ACOXL: variants seen among roughly 807,000 people sequenced by gnomAD.
ACOXL encodes the protein acyl-CoA oxidase like.
A neutral mutation model predicts 71.9 loss-of-function variants in ACOXL; 70 were observed. The ratio of observed to expected loss-of-function variants is 0.97; its 90% CI spans 0.80 to 1.19. The LOEUF (loss-of-function observed/expected upper bound fraction) is 1.19, where lower values mean the gene tolerates loss of function less well. Ranked by LOEUF, ACOXL falls within the 50% of genes most tolerant of loss-of-function variation. ACOXL has a pLI of 0.00. For missense variants in ACOXL, 703 were observed against 736.3 expected (o/e 0.95, Z 0.52); for synonymous variants, 253 against 281.6 (o/e 0.90, Z 1.02).
At chr2:110,827,248 G>T (rs112404101) in intron 9 of ACOXL, among the ~76,000 whole-genome samples, 33 of 152,322 alleles carry the variant, frequency 2.2e-4, no homozygotes, top group African/African-American at 7.7e-4. Context: ...CATATGCCCT[G>T]CAGGAGTAGC....
intron 15 of ACOXL, among the ~76,000 whole-genome samples, chr2:111,034,949 G>T (rs983567867): frequency 1.3e-5 from 2 of 148,818 alleles, no homozygotes; most frequent in Admixed American, 6.7e-5. Flanking sequence ...ACGGAGTCTC[G>T]CTCTGTCGCC....
intron 12 of ACOXL, among the ~76,000 whole-genome samples, chr2:110,972,845 A>T (rs1460252611): frequency 6.6e-6 from 1 of 152,252 alleles, no homozygotes; most frequent in Non-Finnish European, 1.5e-5. Flanking sequence ...AGCTCAGCAG[A>T]GACTCCGTGT....
rs1267304542 is a variant in ACOXL at position 110,895,145 on chromosome 2, A to G, written c.789-13644A>G. 2.6e-5 allele frequency among the ~76,000 whole-genome samples: 4 copies of G among 152,362 alleles called. No individual in the cohort carries two copies. The South Asian group carries it at 6.2e-4, about 24-fold the overall frequency. On this transcript the variant is annotated intron_variant, in intron 10 of 17. Coordinates refer to ENST00000439055, the MANE Select transcript of ACOXL (RefSeq NM_001142807.4). ...AAGCAGCCATCATAAAAATGTTTCA[A>G]AAAGAGAAATGACAAACATGCTGAA...
intron 10 of ACOXL, among the ~76,000 whole-genome samples, chr2:110,898,244 A>G (rs1274542393): frequency 1.3e-5 from 2 of 152,114 alleles, no homozygotes; most frequent in African/African-American, 4.8e-5. Context: ...ATTTTTTTTG[A>G]AAGTTAGCCA....
chr2:111,112,382 T>G (rs1558980737), intron 17 of ACOXL, among the ~76,000 whole-genome samples: 1 of 152,278 alleles, frequency 6.6e-6, no homozygotes, highest in African/African-American at 2.4e-5. Flanking sequence ...GTTGGGTAAA[T>G]TGAGAGAAGT....
chr2:111,041,156 C>T lies in ACOXL; in HGVS notation c.1370-8062C>T, dbSNP rs147091497. On this transcript the variant is annotated intron_variant, in intron 15 of 17. Coordinates refer to ENST00000439055, the MANE Select transcript of ACOXL (RefSeq NM_001142807.4). The stretch of plus-strand genomic sequence containing the variant: ...AGAACTGGGTCCAACTCAGCTTGGA[C>T]GTGTGGCGCATGCATGACCTGGGGC... Among the ~76,000 whole-genome samples, 427 of 152,208 alleles carry T rather than the reference C, an allele frequency of 2.8e-3. 2 individuals carry two copies. Among genetic ancestry groups the T allele is most frequent in the African/African-American group, 9.7e-3 (402 of 41,550 alleles).
chr2:110,935,368 C>T (rs980828804), intron 12 of ACOXL, among the ~76,000 whole-genome samples: 15 of 152,164 alleles, frequency 9.9e-5, no homozygotes, highest in Admixed American at 6.5e-5. Context: ...CCCTCCTGCA[C>T]CCCTCTTGTC....
At chr2:110,861,480 G>C (rs1693947940) in intron 10 of ACOXL, among the ~76,000 whole-genome samples, 1 of 152,062 alleles carries the variant, frequency 6.6e-6, no homozygotes, top group Admixed American at 6.5e-5. Context: ...CTCCCTGGCT[G>C]CTTTCAGGGC....
chr2:111,030,077 G>A (rs1249987608), intron 14 of ACOXL, among the ~76,000 whole-genome samples: 1 of 151,874 alleles, frequency 6.6e-6, no homozygotes, highest in African/African-American at 2.4e-5. Flanking sequence ...AAGTGCCCTT[G>A]ATTCTATTTG....
intron 14 of ACOXL, among the ~76,000 whole-genome samples, chr2:111,018,927 C>A (rs1411294840): frequency 6.6e-6 from 1 of 152,208 alleles, no homozygotes; most frequent in African/African-American, 2.4e-5. Context: ...TACCCATCAC[C>A]TCCCACTCAC....
At chr2:111,065,799 A>G (rs1020508945) in intron 16 of ACOXL, among the ~76,000 whole-genome samples, 1 of 152,170 alleles carries the variant, frequency 6.6e-6, no homozygotes, top group Non-Finnish European at 1.5e-5. Context: ...GCAGATTAAA[A>G]CCATAATAAG....
In ACOXL at chr2:110,992,967, T is replaced by G. The variant is rs2063238225; in HGVS notation, c.1170-2926T>G. 3.9e-5 allele frequency among the ~76,000 whole-genome samples: 6 copies of G among 152,232 alleles called. 1 individual carries two copies. Among genetic ancestry groups the G allele is most frequent in the Admixed American group, 3.9e-4 (6 of 15,282 alleles). On this transcript the variant is annotated intron_variant, in intron 13 of 17. Coordinates refer to ENST00000439055, the MANE Select transcript of ACOXL (RefSeq NM_001142807.4). The stretch of plus-strand genomic sequence containing the variant: ...GCATTTATGTACAAACCATGGAGAT[T>G]CTATCAACCTATTACTGTACCTGCT...
At chr2:110,735,121 A>G (rs1360402979) in intron 1 of ACOXL, among the ~76,000 whole-genome samples, 1 of 152,222 alleles carries the variant, frequency 6.6e-6, no homozygotes, top group Non-Finnish European at 1.5e-5. Context: ...TAGTAATGGC[A>G]TGAACAACAT....
intron 11 of ACOXL, among the ~76,000 whole-genome samples, chr2:110,922,626 T>C (rs1033534663): frequency 6.6e-6 from 1 of 152,208 alleles, no homozygotes; most frequent in Non-Finnish European, 1.5e-5. Context: ...CAGCTCTTTT[T>C]ATATTTTGGC....
At chr2:111,093,190 G>A (rs1216671663) in intron 17 of ACOXL, among the ~76,000 whole-genome samples, 2 of 149,530 alleles carry the variant, frequency 1.3e-5, no homozygotes, top group African/African-American at 4.9e-5. Flanking sequence ...ACATGAAAAG[G>A]AGAGGAAGGT....
chr2:110,748,496 C>T (rs900319535), intron 1 of ACOXL, among the ~76,000 whole-genome samples: 7 of 152,326 alleles, frequency 4.6e-5, no homozygotes, highest in Middle Eastern at 3.4e-3. Flanking sequence ...TACATTTCCC[C>T]GGCTGAGTGA....
chr2:111,080,624 C>T (rs965237833), intron 16 of ACOXL, among the ~76,000 whole-genome samples: 1 of 152,170 alleles, frequency 6.6e-6, no homozygotes, highest in Non-Finnish European at 1.5e-5. Context: ...CCTTCTGAAA[C>T]TATTCGGAAT....
Position 110,953,331 on chromosome 2 carries a change from C to CATATATATATAT in ACOXL, c.1059+19694_1059+19705dup, listed in dbSNP as rs34907551. 2.6e-4 allele frequency among the ~76,000 whole-genome samples: 39 copies of CATATATATATAT among 149,054 alleles called. No individual in the cohort carries two copies. In the East Asian group the frequency reaches 4.3e-3, roughly 17 times the overall value. On this transcript the variant is annotated intron_variant, in intron 12 of 17. Transcript: ENST00000439055. ...TATTATCATTATAATTACTTTTATACATATATATATATATATTTCAATTAA... is the reference window on the plus strand; with the variant it reads ...TATTATCATTATAATTACTTTTATACATATATATATATATATATATATATATATTTCAATTAA...
At chr2:111,094,123 A>G (rs1399223677) in intron 17 of ACOXL, 2 of 152,200 alleles carry the variant, frequency 1.3e-5, no homozygotes, top group Admixed American at 6.5e-5. Context: ...GACATGGAGT[A>G]CTTAGACATA....
Sources: allele counts gnomAD v4.1 joint callset (sites outside exome capture counted in the v4.1 genomes callset), GRCh38; gene constraint gnomAD v4.1.1; transcripts MANE v1.5; gene names NCBI Gene and HGNC (gene_info 2026-07-23, HGNC 2026-07-21).